Variants in BRMS1L observed in about 807,000 individuals in gnomAD.
BRMS1L encodes BRMS1 like transcriptional repressor, also known as breast cancer metastasis-suppressor 1-like protein.
BRMS1L carries 23 observed loss-of-function variants against 50.3 expected under a neutral mutation model. The observed-to-expected ratio is 0.46, with a 90% CI of 0.33 to 0.65. The LOEUF (loss-of-function observed/expected upper bound fraction) is 0.65, where lower values mean the gene tolerates loss of function less well. Among genes scored for constraint, BRMS1L ranks in the 30% least tolerant of loss-of-function variants. The pLI is 0.02. For missense variants in BRMS1L, 286 were observed against 386.1 expected (o/e 0.74, Z 2.17); for synonymous variants, 114 against 126.9 (o/e 0.90, Z 0.69).
At chr14:35,849,070 G>A (rs2142050411) in intron 4 of BRMS1L, among the ~76,000 whole-genome samples, 1 of 152,030 alleles carries the variant, frequency 6.6e-6, no homozygotes, top group Non-Finnish European at 1.5e-5. Flanking sequence ...TGCCCAGGCT[G>A]GTCTCAACTC....
At chr14:35,833,509 A>T (rs979025956) in intron 3 of BRMS1L, among the ~76,000 whole-genome samples, 3 of 152,122 alleles carry the variant, frequency 2.0e-5, no homozygotes, top group South Asian at 2.1e-4. Context: ...AAAAAATTTT[A>T]AAAATGTTTG....
chr14:35,853,622 C>T (rs188401411), intron 4 of BRMS1L, among the ~76,000 whole-genome samples: 68 of 152,186 alleles, frequency 4.5e-4, no homozygotes, highest in Middle Eastern at 3.4e-3. Context: ...GGCACAGTCT[C>T]GCTATGTTGC....
At chr14:35,857,570 T>G (rs1473384921) in intron 4 of BRMS1L, among the ~76,000 whole-genome samples, 1 of 151,966 alleles carries the variant, frequency 6.6e-6, no homozygotes, top group Non-Finnish European at 1.5e-5. Context: ...ATCCTCCTGT[T>G]TTGGCCTCCC....
At chr14:35,847,965 T>G (rs1255700243) in intron 4 of BRMS1L, among the ~76,000 whole-genome samples, 1 of 152,212 alleles carries the variant, frequency 6.6e-6, no homozygotes, top group Non-Finnish European at 1.5e-5. Context: ...CTGTGGGTAT[T>G]TAGGTTGTTT....
At chr14:35,832,100 T>A (rs1342940561) in intron 2 of BRMS1L, among the ~76,000 whole-genome samples, 1 of 152,216 alleles carries the variant, frequency 6.6e-6, no homozygotes, top group African/African-American at 2.4e-5. Flanking sequence ...ATTGAGCAAC[T>A]AATTTTGTTA....
chr14:35,869,430 C>T (rs1443158481), intron 9 of BRMS1L, among the ~76,000 whole-genome samples: 1 of 151,808 alleles, frequency 6.6e-6, no homozygotes, highest in African/African-American at 2.4e-5. Flanking sequence ...CCCAACTACT[C>T]AGGTTGAGAT....
At chr14:35,870,093 G>A (rs1485622312) in intron 9 of BRMS1L, among the ~76,000 whole-genome samples, 1 of 150,686 alleles carries the variant, frequency 6.6e-6, no homozygotes, top group Admixed American at 6.6e-5. Context: ...GGGTGGGGAT[G>A]GAGTAGGAAG....
intron 4 of BRMS1L, among the ~76,000 whole-genome samples, chr14:35,856,573 C>T (rs1191528407): frequency 6.7e-6 from 1 of 148,420 alleles, no homozygotes; most frequent in African/African-American, 2.5e-5. Flanking sequence ...AATCTTCCAA[C>T]CAGAGGTAAT....
At chr14:35,863,261 A>G (rs1197824306) in intron 5 of BRMS1L, among the ~76,000 whole-genome samples, 1 of 152,214 alleles carries the variant, frequency 6.6e-6, no homozygotes, top group African/African-American at 2.4e-5. Context: ...TTTGTTTCAG[A>G]AAAAGGAATA....
intron 7 of BRMS1L, 76 bp downstream of exon 7, chr14:35,865,075 T>C: frequency 9.4e-7 from 1 of 1,059,420 alleles, no homozygotes; most frequent in Non-Finnish European, 1.4e-6. Context: ...TTTTTGTTAG[T>C]ACATCAAAAT....
chr14:35,857,172 C>T (rs934788123), intron 4 of BRMS1L, among the ~76,000 whole-genome samples: 5 of 150,410 alleles, frequency 3.3e-5, no homozygotes, highest in Non-Finnish European at 7.4e-5. Flanking sequence ...ACCTGGGAGA[C>T]GGAGGTTGCA....
At chr14:35,845,455 A>G (rs897893010) in intron 4 of BRMS1L, among the ~76,000 whole-genome samples, 6 of 152,124 alleles carry the variant, frequency 3.9e-5, no homozygotes, top group African/African-American at 1.2e-4. Flanking sequence ...GTCTGCATCT[A>G]TTGAATTAGT....
intron 4 of BRMS1L, among the ~76,000 whole-genome samples, chr14:35,842,720 G>C (rs2142045387): frequency 6.6e-6 from 1 of 152,154 alleles, no homozygotes; most frequent in South Asian, 2.1e-4. Flanking sequence ...TTGAATTTTG[G>C]CCTATCTTGC....
rs1278530864 is a variant in BRMS1L at position 35,866,500 on chromosome 14, T to C, written c.727+739T>C. ...AGGAGGATCACTTGAGCCCAGGAGT[T>C]TGAGATCTGCCTGGGCAAGATGGCA... On this transcript the variant is annotated intron_variant, in intron 8 of 9. Coordinates refer to ENST00000216807, the MANE Select transcript of BRMS1L (RefSeq NM_032352.4). Among the ~76,000 whole-genome samples, 3 of 152,110 alleles carry C rather than the reference T, an allele frequency of 2.0e-5. No homozygotes were observed. The East Asian group carries it at 5.8e-4, about 29-fold the overall frequency.
rs142693587 is a variant in BRMS1L at position 35,834,902 on chromosome 14, A to C, written c.420A>C (p.Gln140His). Residue 140 changes from glutamine (Q) to histidine (H), a missense_variant, in exon 4 of 10, where the codon CAA becomes CAC. Physicochemically the swap from Gln to His is conservative, Grantham distance 24 (BLOSUM62 0). Coordinates refer to ENST00000216807, the MANE Select transcript of BRMS1L (RefSeq NM_032352.4). ...AGAACAAATATGAATGTGAAATTCAAGCTTCTCGCCAGCATTGTGAGGTAC... is the reference window on the plus strand; with the variant it reads ...AGAACAAATATGAATGTGAAATTCACGCTTCTCGCCAGCATTGTGAGGTAC... ...SVKNKYECEIQASRQHCESEK... is the reference protein window; with the variant it reads ...SVKNKYECEIHASRQHCESEK... 6.3e-7 allele frequency: 1 copy of C among 1,596,882 alleles called. No individual in the cohort carries two copies. The highest frequency in any genetic ancestry group is 1.2e-5 in the South Asian group (1 of 86,440).
intron 3 of BRMS1L, 70 bp from the exon 4 acceptor site, chr14:35,834,774 A>T: frequency 9.0e-7 from 1 of 1,111,858 alleles, no homozygotes; most frequent in East Asian, 2.8e-5. Flanking sequence ...TGAGGACAGA[A>T]TTCCTGTAGG....
chr14:35,870,725 A>C lies in BRMS1L; in HGVS notation c.*248A>C, dbSNP rs930110801. 1.2e-4 allele frequency: 24 copies of C among 198,096 alleles called. No homozygotes were observed. Among genetic ancestry groups the C allele is most frequent in the Non-Finnish European group, 2.4e-4 (23 of 97,386 alleles). 12.3% of individuals were successfully genotyped at this position (198,096 alleles called of 1,614,324 possible). ...GACCAATAGGTATTCTGTATATGGT[A>C]GGGGTTTCTTTCTAAACATTTTTCT... On this transcript the variant is annotated 3_prime_UTR_variant, in exon 10 of 10. Transcript: ENST00000216807.
Position 35,870,438 on chromosome 14 carries a change from A to G in BRMS1L, c.933A>G (p.Ser311=). The change falls in exon 10 of 10, where the codon TCA becomes TCG. Residue 311 remains serine (S), a synonymous_variant. Transcript: ENST00000216807. ...GAAGCAAATCTAAGCTTTACATTTCACAGCTACAGAAAGGAAAATATTCAA... is the reference window on the plus strand; with the variant it reads ...GAAGCAAATCTAAGCTTTACATTTCGCAGCTACAGAAAGGAAAATATTCAA... ...PDGSKSKLYI[S]QLQKGKYSIK... 5 of 1,608,458 alleles carry G rather than the reference A, an allele frequency of 3.1e-6. No individual in the cohort carries two copies. Among genetic ancestry groups the G allele is most frequent in the Non-Finnish European group, 4.2e-6 (5 of 1,176,910 alleles).
At chr14:35,865,461 A>G (rs1182644709) in intron 7 of BRMS1L, among the ~76,000 whole-genome samples, 6 of 152,030 alleles carry the variant, frequency 3.9e-5, no homozygotes, top group African/African-American at 1.2e-4. Context: ...TCCATATTAC[A>G]TTTTTTCATT....
Sources: gnomAD v4.1 joint callset for allele counts (sites outside exome capture counted in the v4.1 genomes callset) on GRCh38, gnomAD v4.1.1 for gene constraint, MANE v1.5 for transcripts, NCBI Gene and HGNC (gene_info 2026-07-23, HGNC 2026-07-21) for gene names.